CELSR3: variants seen among roughly 807,000 people sequenced by gnomAD.
The protein encoded by CELSR3 is cadherin EGF LAG seven-pass G-type receptor 3.
Under a neutral mutation model 270.0 loss-of-function variants are expected in CELSR3, and 73 were observed. The observed-to-expected ratio is 0.27, with a 90% confidence interval of 0.22 to 0.33. CELSR3 has a LOEUF of 0.33. Among genes scored for constraint, CELSR3 ranks in the 10% least tolerant of loss-of-function variants. The pLI is 1.00. For missense variants in CELSR3, 3,614 were observed against 4,533.8 expected (o/e 0.80, Z 5.83); for synonymous variants, 1,780 against 1,905.4 (o/e 0.93, Z 1.71).
rs147749975 is a variant in CELSR3, at chr3:48,653,900, G to A, written c.5256C>T (p.Phe1752=). 76 of 1,613,538 alleles carry A rather than the reference G, an allele frequency of 4.7e-5. No homozygotes were observed. Among genetic ancestry groups the A allele is most frequent in the Non-Finnish European group, 5.8e-5 (68 of 1,179,880 alleles). Residue 1752 remains phenylalanine (F), a synonymous_variant, in exon 8 of 35, where the codon TTC becomes TTT. Coordinates refer to ENST00000164024, the MANE Select transcript of CELSR3 (RefSeq NM_001407.3). The surrounding 1 kb of genome is among the most constrained non-coding windows in gnomAD (Gnocchi z 6.5). The stretch of plus-strand genomic sequence containing the variant: ...TACTAAGCTGACAGTCTTTGCCGCC[G>A]AAGCCCACAGGGCAGTCGCAGCTGA... ...GSFSCDCPVG[F]GGKDCQLTMA...
intron 2 of CELSR3, 66 bp downstream of exon 2, chr3:48,656,632 G>C (rs965148619): frequency 6.7e-5 from 96 of 1,430,702 alleles, no homozygotes; most frequent in Non-Finnish European, 8.4e-5. Context: ...GTACTCACTC[G>C]CATTGTGGTC....
chr3:48,657,476 A>T lies in CELSR3; in HGVS notation c.3749-128T>A. 1 of 969,572 alleles carries T rather than the reference A, an allele frequency of 1.0e-6. No individual in the cohort carries two copies. Among genetic ancestry groups the T allele is most frequent in the Middle Eastern group, 3.3e-4 (1 of 3,020 alleles). The allele number at this position is 969,572 out of a possible 1,614,324, so 60.1% of individuals were successfully genotyped here. On this transcript the variant is annotated intron_variant, in intron 1 of 34. Transcript: ENST00000164024. The surrounding 1 kb of genome is among the most constrained non-coding windows in gnomAD (Gnocchi z 5.4). ...TCTAAGTCAGCAGGCTGACCCCACC[A>T]GGACACAAGGGAGTCTGGGGCTAGT...
At position 48,646,890 on chromosome 3, in the gene CELSR3, A is replaced by C. The variant is rs1384261608; in HGVS notation, c.7168T>G (p.Ser2390Ala). 6.4e-7 allele frequency: 1 copy of C among 1,570,418 alleles called. No individual in the cohort carries two copies. Among genetic ancestry groups the C allele is most frequent in the African/African-American group, 1.4e-5 (1 of 72,074 alleles). ...GGGGCTGGTGGGGGGACCACACTTG[A>C]GGTGGTGGAGTTTTCTATGCTGCTG... ...TSSSIENSTTSSVVPPPAPPE... is the reference protein window; with the variant it reads ...TSSSIENSTTASVVPPPAPPE... Residue 2390 changes from serine to alanine, a missense_variant, in exon 21 of 35, where the codon TCA becomes GCA. Coordinates refer to ENST00000164024, the MANE Select transcript of CELSR3 (RefSeq NM_001407.3). This position sits in a 1 kb window ranked among gnomAD's most constrained non-coding sequence, Gnocchi z 4.8.
In CELSR3 at chr3:48,658,708, A is replaced by G. The variant is rs1033959804; in HGVS notation, c.3748+179T>C. ...CACTGGGATTCTGTGGAGATTATCC[A>G]GGAACCTAAGCAGAGTCCTTGTGAG... On this transcript the variant is annotated intron_variant, in intron 1 of 34. Transcript: ENST00000164024. The surrounding 1 kb of genome is among the most constrained non-coding windows in gnomAD (Gnocchi z 4.7). Among the ~76,000 whole-genome samples, 4 of 152,174 alleles carry G rather than the reference A, an allele frequency of 2.6e-5. No individual in the cohort carries two copies. Among genetic ancestry groups the G allele is most frequent in the Admixed American group, 6.5e-5 (1 of 15,288 alleles).
Position 48,642,369 on chromosome 3 carries a change from T to A in CELSR3, c.8654A>T (p.His2885Leu), listed in dbSNP as rs1264928878. The A allele has an allele frequency of 1.2e-6, 2 of 1,612,682 alleles. No homozygotes were observed. The highest frequency in any genetic ancestry group is 3.3e-5 in the Admixed American group (2 of 59,922). Reference sequence around the variant, plus strand: ...GGCCCCAACTCCACCAGCATCTCGATGGAACATGGCCACGTCCAGGTCAGT... The same window carrying A: ...GGCCCCAACTCCACCAGCATCTCGAAGGAACATGGCCACGTCCAGGTCAGT... ...GPTDLDVAMF[H>L]RDAGADSDSD... The change falls in exon 31 of 35, where the codon CAT becomes CTT. Residue 2885 changes from histidine to leucine, a missense_variant. By Grantham distance (99) the His-to-Leu change is moderately conservative. This residue lies in a region of CELSR3 where 1,240 missense variants were observed against 1,351.7 expected (regional missense o/e 0.92). Transcript: ENST00000164024. This position sits in a 1 kb window ranked among gnomAD's most constrained non-coding sequence, Gnocchi z 6.1.
At position 48,649,219 on chromosome 3, in the gene CELSR3, G is replaced by A. The variant is rs1255756853; in HGVS notation, c.6473-4C>T. On this transcript the variant is annotated splice_polypyrimidine_tract_variant and splice_region_variant and intron_variant, in intron 16 of 34. Transcript: ENST00000164024. ...TCACACAGCCGCACAGCAGCACCTG[G>A]AGGCAGGCAACCCCTGGTCAGGCCT... The A allele has an allele frequency of 3.7e-6, 6 of 1,606,900 alleles. No homozygotes were observed. Among genetic ancestry groups the A allele is most frequent in the Non-Finnish European group, 1.7e-6 (2 of 1,176,892 alleles).
Position 48,648,117 on chromosome 3 carries a change from C to G in CELSR3, c.6974-121G>C, listed in dbSNP as rs544202888. 2.2e-5 allele frequency: 32 copies of G among 1,448,646 alleles called. No individual in the cohort carries two copies. The African/African-American group carries it at 2.7e-4, about 12-fold the overall frequency. 89.7% of individuals were successfully genotyped at this position (1,448,646 alleles called of 1,614,324 possible). ...CAATCTGTTTTCTGTGCTACCAGCT[C>G]GGAGCCTGTCCCTACAAAACGCTGA... On this transcript the variant is annotated intron_variant, in intron 19 of 34. Coordinates refer to ENST00000164024, the MANE Select transcript of CELSR3 (RefSeq NM_001407.3).
chr3:48,655,653 C>G lies in CELSR3; in HGVS notation c.4741+83G>C, dbSNP rs1372780489. The G allele has an allele frequency of 1.6e-6, 2 of 1,224,760 alleles. No homozygotes were observed. Among genetic ancestry groups the G allele is most frequent in the East Asian group, 4.7e-5 (2 of 42,934 alleles). The allele number at this position is 1,224,760 out of a possible 1,614,324, so 75.9% of individuals were successfully genotyped here. On this transcript the variant is annotated intron_variant, in intron 4 of 34. Coordinates refer to ENST00000164024, the MANE Select transcript of CELSR3 (RefSeq NM_001407.3). This position sits in a 1 kb window ranked among gnomAD's most constrained non-coding sequence, Gnocchi z 5.8. ...GGCGTGGAGTGTGTGCTCAGGTGCACAGTGAAGCAAACCTGAGGGGACTTG... is the reference window on the plus strand; with the variant it reads ...GGCGTGGAGTGTGTGCTCAGGTGCAGAGTGAAGCAAACCTGAGGGGACTTG...
Position 48,642,313 on chromosome 3 carries a change from G to A in CELSR3, c.8665+45C>T, listed in dbSNP as rs1002589308. ...GGGGTAGAAGAAAAGGGGATGGGGA[G>A]AGATCCTCTGCCTCCCTCCTCCCTG... On this transcript the variant is annotated intron_variant, in intron 31 of 34. Transcript: ENST00000164024. This position sits in a 1 kb window ranked among gnomAD's most constrained non-coding sequence, Gnocchi z 6.1. The A allele has an allele frequency of 1.9e-5, 30 of 1,579,092 alleles. No individual in the cohort carries two copies. Among genetic ancestry groups the A allele is most frequent in the Non-Finnish European group, 2.6e-5 (30 of 1,156,984 alleles).
rs769951834 is a variant in CELSR3 at position 48,662,211 on chromosome 3, A to G, written c.424T>C (p.Cys142Arg). The G allele has an allele frequency of 2.5e-6, 4 of 1,613,086 alleles. No individual in the cohort carries two copies. The South Asian group carries it at 4.4e-5, about 18-fold the overall frequency. Residue 142 changes from cysteine (C) to arginine (R), a missense_variant, in exon 1 of 35, where the codon TGC becomes CGC. Physicochemically the swap from Cys to Arg is radical, Grantham distance 180 (BLOSUM62 -3). Transcript: ENST00000164024. The surrounding 1 kb of genome is among the most constrained non-coding windows in gnomAD (Gnocchi z 7.1). ...CTTTGCAAAGGTCCTGTCCGCCCGCAAGAGGAGACCTCTGGGCGCCAGTAT... is the reference window on the plus strand; with the variant it reads ...CTTTGCAAAGGTCCTGTCCGCCCGCGAGAGGAGACCTCTGGGCGCCAGTAT... ...VLYWRPEVSS[C>R]GRTGPLQRGS...
rs1360927855 is a variant in CELSR3 at position 48,658,219 on chromosome 3, G to T, written c.3748+668C>A. ...CCAGGAGTCCCTGCTCCAGAACTGA[G>T]GAATGAGCACCAGTGAAGCCTATTT... On this transcript the variant is annotated intron_variant, in intron 1 of 34. Coordinates refer to ENST00000164024, the MANE Select transcript of CELSR3 (RefSeq NM_001407.3). This position sits in a 1 kb window ranked among gnomAD's most constrained non-coding sequence, Gnocchi z 4.7. 6.6e-6 allele frequency among the ~76,000 whole-genome samples: 1 copy of T among 152,214 alleles called. No homozygotes were observed. The highest frequency in any genetic ancestry group is 1.5e-5 in the Non-Finnish European group (1 of 68,034).
In CELSR3 at chr3:48,640,193, G is replaced by T; in HGVS notation, c.9392C>A (p.Pro3131His). Residue 3131 changes from proline (P) to histidine (H), a missense_variant, in exon 34 of 35, where the codon CCT becomes CAT. Around this residue, in one of 7 missense-constraint regions of CELSR3, gnomAD observed 1,240 missense variants for 1,351.7 expected, o/e 0.92. Coordinates refer to ENST00000164024, the MANE Select transcript of CELSR3 (RefSeq NM_001407.3). The surrounding 1 kb of genome is among the most constrained non-coding windows in gnomAD (Gnocchi z 7.5). ...CCCGAAGCGGCCAGCCATGGCGCCA[G>T]GGTAGTCCCGAGGTGGCTGCCTCCG... The part of the protein sequence containing the change: ...LPRRQPPRDY[P>H]GAMAGRFGSR... 6.2e-7 allele frequency: 1 copy of T among 1,612,772 alleles called. No individual in the cohort carries two copies. Among genetic ancestry groups the T allele is most frequent in the Non-Finnish European group, 8.5e-7 (1 of 1,179,956 alleles).
In CELSR3 at chr3:48,651,163, G is replaced by A; in HGVS notation, c.6187-88C>T. On this transcript the variant is annotated intron_variant, in intron 14 of 34. Coordinates refer to ENST00000164024, the MANE Select transcript of CELSR3 (RefSeq NM_001407.3). This position sits in a 1 kb window ranked among gnomAD's most constrained non-coding sequence, Gnocchi z 7.4. ...AAGGATAAAGGGTCAAGAGAACAGT[G>A]CTCATGGGCCAGAGGACACCTGGGT... 4.8e-6 allele frequency: 7 copies of A among 1,464,972 alleles called. No individual in the cohort carries two copies. Among genetic ancestry groups the A allele is most frequent in the Non-Finnish European group, 6.5e-6 (7 of 1,078,584 alleles). The allele number at this position is 1,464,972 out of a possible 1,614,324, so 90.7% of individuals were successfully genotyped here. A position where few individuals can be genotyped will look rare whatever the true frequency, so the allele number is the denominator to read the frequency against.
Position 48,658,785 on chromosome 3 carries a change from G to C in CELSR3, c.3748+102C>G. On this transcript the variant is annotated intron_variant, in intron 1 of 34. Coordinates refer to ENST00000164024, the MANE Select transcript of CELSR3 (RefSeq NM_001407.3). The surrounding 1 kb of genome is among the most constrained non-coding windows in gnomAD (Gnocchi z 4.7). Reference sequence around the variant, plus strand: ...GGAACCCTACCCTTAAGGGGTTCTTGGAAGGCTTAGAAATCCCTCTTTGGT... The same window carrying C: ...GGAACCCTACCCTTAAGGGGTTCTTCGAAGGCTTAGAAATCCCTCTTTGGT... The C allele has an allele frequency of 7.0e-7, 1 of 1,429,146 alleles. No individual in the cohort carries two copies. Among genetic ancestry groups the C allele is most frequent in the Non-Finnish European group, 9.6e-7 (1 of 1,045,612 alleles). 88.5% of individuals were successfully genotyped at this position (1,429,146 alleles called of 1,614,324 possible). A position where few individuals can be genotyped will look rare whatever the true frequency, so the allele number is the denominator to read the frequency against.
In CELSR3 at chr3:48,644,315, T is replaced by A. The variant is rs766314650; in HGVS notation, c.8086-20A>T. 6 of 1,609,430 alleles carry A rather than the reference T, an allele frequency of 3.7e-6. No homozygotes were observed. In the Admixed American group the frequency reaches 1.0e-4, roughly 27 times the overall value. On this transcript the variant is annotated intron_variant, in intron 26 of 34. Transcript: ENST00000164024. This position sits in a 1 kb window ranked among gnomAD's most constrained non-coding sequence, Gnocchi z 4.8. ...GTTCATCTGGACCCACGGCCAGACA[T>A]GTGGGGCCGGGCAGGGCAGAGAGAG...
rs755218848 is a variant in CELSR3, at chr3:48,657,001, G to A, written c.4096C>T (p.Arg1366Cys). Reference sequence around the variant, plus strand: ...AAGGGCAGTACGTCGAGCAGGGAGCGAGCCGCCAGCGCCGCCCGGCGCACG... The same window carrying A: ...AAGGGCAGTACGTCGAGCAGGGAGCAAGCCGCCAGCGCCGCCCGGCGCACG... ...LYVRRAALAARSLLDVLPFDD... is the reference protein window; with the variant it reads ...LYVRRAALAACSLLDVLPFDD... The change falls in exon 2 of 35, where the codon CGC becomes TGC. Residue 1366 changes from arginine to cysteine, a missense_variant. This residue lies in a region of CELSR3 where 1,331 missense variants were observed against 1,933.7 expected (regional missense o/e 0.69). Coordinates refer to ENST00000164024, the MANE Select transcript of CELSR3 (RefSeq NM_001407.3). This position sits in a 1 kb window ranked among gnomAD's most constrained non-coding sequence, Gnocchi z 5.4. 1.2e-6 allele frequency: 2 copies of A among 1,612,910 alleles called. No individual in the cohort carries two copies. The highest frequency in any genetic ancestry group is 2.7e-5 in the African/African-American group (2 of 75,010).
rs866048974 is a variant in CELSR3 at position 48,662,185 on chromosome 3, T to G, written c.450A>C (p.Arg150Ser). 3.7e-6 allele frequency: 6 copies of G among 1,612,460 alleles called. No individual in the cohort carries two copies. The Middle Eastern group carries it at 9.9e-4, about 266-fold the overall frequency. ...ACAGAGCCCCTGGTGACAGACTACC[T>G]CTTTGCAAAGGTCCTGTCCGCCCGC... ...SSCGRTGPLQ[R>S]GSLSPGALSS... is the part of the protein sequence containing the mutation. Residue 150 changes from arginine (R) to serine (S), a missense_variant, in exon 1 of 35, where the codon AGA (arginine) becomes AGC (serine). Arg to Ser is a moderately radical substitution (Grantham distance 110). Transcript: ENST00000164024. The surrounding 1 kb of genome is among the most constrained non-coding windows in gnomAD (Gnocchi z 7.1).
At position 48,646,006 on chromosome 3, in the gene CELSR3, G is replaced by T; in HGVS notation, c.7463+84C>A. The T allele has an allele frequency of 6.3e-7, 1 of 1,583,694 alleles. No homozygotes were observed. The highest frequency in any genetic ancestry group is 8.6e-7 in the Non-Finnish European group (1 of 1,160,732). On this transcript the variant is annotated intron_variant, in intron 22 of 34. Coordinates refer to ENST00000164024, the MANE Select transcript of CELSR3 (RefSeq NM_001407.3). This position sits in a 1 kb window ranked among gnomAD's most constrained non-coding sequence, Gnocchi z 4.8. ...GTCCGGGTTGCACAACAGCACTAGTGGGGGCCCCAGGGGAAGGCTGGGACT... is the reference window on the plus strand; with the variant it reads ...GTCCGGGTTGCACAACAGCACTAGTTGGGGCCCCAGGGGAAGGCTGGGACT...
In CELSR3 at chr3:48,639,221, C is replaced by G. The variant is rs2047000471; in HGVS notation, c.9911+453G>C. Among the ~76,000 whole-genome samples, 2 of 152,196 alleles carry G rather than the reference C, an allele frequency of 1.3e-5. No individual in the cohort carries two copies. The highest frequency in any genetic ancestry group is 4.8e-5 in the African/African-American group (2 of 41,436). ...CGATGAATGAATGATTTATCCTCAA[C>G]AAAGCAAGCCCTTCAGCCTGGTATA... On this transcript the variant is annotated intron_variant, in intron 34 of 34. Transcript: ENST00000164024. This position sits in a 1 kb window ranked among gnomAD's most constrained non-coding sequence, Gnocchi z 4.1.
Sources: gnomAD v4.1 joint callset for allele counts (sites outside exome capture counted in the v4.1 genomes callset) on GRCh38, gnomAD v4.1.1 for gene constraint, gnomAD v4.1.1 regional missense constraint, Gnocchi (gnomAD v3.1) non-coding constraint, MANE v1.5 for transcripts, NCBI Gene and HGNC (gene_info 2026-07-23, HGNC 2026-07-21) for gene names.